The following RBFOX2 variants were observed in gnomAD, a reference collection of about 807,000 sequenced individuals.
The protein encoded by RBFOX2 is RNA binding fox-1 homolog 2.
A neutral mutation model predicts 49.1 loss-of-function variants in RBFOX2; 10 were observed. That is an observed-to-expected ratio of 0.20 (90% CI 0.13 to 0.35). The LOEUF is 0.35. RBFOX2 is among the 10% of genes least tolerant of loss of function. The probability of loss-of-function intolerance (pLI) is 1.00; values close to 1 mark genes in which losing one functional copy is unlikely to be tolerated. For synonymous variants in RBFOX2, 183 were observed against 187.4 expected (o/e 0.98, Z 0.19); for missense variants, 323 against 486.9 (o/e 0.66, Z 3.17).
chr22:35,857,017 G>C (rs2042589539), intron 1 of RBFOX2, among the ~76,000 whole-genome samples: 1 of 152,214 alleles, frequency 6.6e-6, no homozygotes, highest in South Asian at 2.1e-4. Flanking sequence ...GGGTGACAGA[G>C]CGAGACTCCG....
chr22:35,903,907 C>A (rs1468031973), intron 1 of RBFOX2, among the ~76,000 whole-genome samples: 3 of 151,788 alleles, frequency 2.0e-5, no homozygotes, highest in Non-Finnish European at 4.4e-5. Context: ...AACACCAGAT[C>A]TTATCACTCT....
At chr22:35,907,351 G>C (rs1603445094) in intron 1 of RBFOX2, among the ~76,000 whole-genome samples, 2 of 152,234 alleles carry the variant, frequency 1.3e-5, no homozygotes, top group Non-Finnish European at 2.9e-5. Context: ...TAGGGGAGGG[G>C]ACACCCCTCT....
intron 9 of RBFOX2, among the ~76,000 whole-genome samples, chr22:35,753,628 T>TAA (rs918387208): frequency 2.1e-5 from 3 of 142,514 alleles, no homozygotes; most frequent in South Asian, 2.2e-4. Context: ...GTTAGTAGAT[T>TAA]AAAAAAAAAA....
At chr22:35,784,523 G>A (rs1040708478) in intron 2 of RBFOX2, among the ~76,000 whole-genome samples, 2 of 152,200 alleles carry the variant, frequency 1.3e-5, no homozygotes, top group South Asian at 2.1e-4. Flanking sequence ...TGCTGTCCAC[G>A]CAGGGAGGCA....
At chr22:35,793,299 G>A (rs1027390413) in intron 2 of RBFOX2, among the ~76,000 whole-genome samples, 5 of 152,156 alleles carry the variant, frequency 3.3e-5, no homozygotes, top group African/African-American at 7.2e-5. Flanking sequence ...CTTGAACCCG[G>A]GGGGCAGAGA....
At chr22:35,864,247 A>G (rs1190255370) in intron 1 of RBFOX2, among the ~76,000 whole-genome samples, 1 of 152,222 alleles carries the variant, frequency 6.6e-6, no homozygotes. Flanking sequence ...TACACTTTTT[A>G]TATCTAGGAA....
intron 1 of RBFOX2, among the ~76,000 whole-genome samples, chr22:35,975,955 T>C (rs1224438874): frequency 6.6e-6 from 1 of 152,174 alleles, no homozygotes; most frequent in Non-Finnish European, 1.5e-5. Flanking sequence ...CATATGCCAT[T>C]AGAATTCTAG....
At chr22:35,957,146 CT>C (rs1049533272) in intron 1 of RBFOX2, among the ~76,000 whole-genome samples, 20 of 152,206 alleles carry the variant, frequency 1.3e-4, no homozygotes, top group African/African-American at 4.8e-4. Flanking sequence ...AGCTCTATGG[CT>C]GTGGAAAGCT....
At chr22:35,930,385 CA>C in intron 1 of RBFOX2, among the ~76,000 whole-genome samples, 1 of 152,002 alleles carries the variant, frequency 6.6e-6, no homozygotes, top group African/African-American at 2.4e-5. Flanking sequence ...ATAGTAACTC[CA>C]AGGGAAACAA....
intron 1 of RBFOX2, among the ~76,000 whole-genome samples, chr22:35,820,285 T>C (rs976130884): frequency 1.3e-5 from 2 of 152,186 alleles, no homozygotes; most frequent in African/African-American, 4.8e-5. Context: ...ACCCTGATAA[T>C]TCAGCTGAGA....
chr22:35,860,710 A>T (rs554100066), intron 1 of RBFOX2, among the ~76,000 whole-genome samples: 1 of 152,188 alleles, frequency 6.6e-6, no homozygotes, highest in African/African-American at 2.4e-5. Context: ...CAGCTTGTCA[A>T]TTTCTACAAA....
chr22:35,842,433 A>G (rs2040624729), upstream of RBFOX2, among the ~76,000 whole-genome samples: 1 of 152,232 alleles, frequency 6.6e-6, no homozygotes, highest in Non-Finnish European at 1.5e-5. Context: ...AAAGCCAATC[A>G]GAAGGAGATA....
intron 1 of RBFOX2, among the ~76,000 whole-genome samples, chr22:35,901,068 T>C (rs989880399): frequency 6.6e-6 from 1 of 152,224 alleles, no homozygotes; most frequent in African/African-American, 2.4e-5. Context: ...GCATGCATTA[T>C]CTCATTGCAT....
intron 1 of RBFOX2, among the ~76,000 whole-genome samples, chr22:35,835,198 GA>G (rs942572968): frequency 2.6e-5 from 4 of 151,764 alleles, no homozygotes; most frequent in East Asian, 1.9e-4. Context: ...TGGAAATGTT[GA>G]AAAAAAAGAG....
chr22:35,808,862 A>G (rs1448771982), intron 2 of RBFOX2, among the ~76,000 whole-genome samples: 3 of 152,076 alleles, frequency 2.0e-5, no homozygotes, highest in Non-Finnish European at 4.4e-5. Flanking sequence ...AATTTCCCAT[A>G]TGTTGGTATG....
intron 1 of RBFOX2, among the ~76,000 whole-genome samples, 172 bp from the exon 3 acceptor site, chr22:35,810,176 T>A (rs963801665): frequency 5.1e-5 from 7 of 137,672 alleles, no homozygotes; most frequent in African/African-American, 1.9e-4. Context: ...CATAGATATA[T>A]GTATGTGGAC....
intron 1 of RBFOX2, among the ~76,000 whole-genome samples, chr22:35,837,247 C>T (rs188787299): frequency 6.6e-6 from 1 of 152,284 alleles, no homozygotes; most frequent in East Asian, 1.9e-4. Context: ...AAAAGTCATT[C>T]ACTGAAAGCC....
At chr22:35,863,136 CG>C (rs1424128453) in intron 1 of RBFOX2, among the ~76,000 whole-genome samples, 2 of 151,844 alleles carry the variant, frequency 1.3e-5, no homozygotes, top group African/African-American at 4.8e-5. Context: ...AGGGCATTTA[CG>C]TTATTTTTGT....
chr22:36,010,617 C>CA (rs1231992215), intron 1 of RBFOX2, among the ~76,000 whole-genome samples: 2 of 152,010 alleles, frequency 1.3e-5, no homozygotes, highest in African/African-American at 4.8e-5. Flanking sequence ...CCGAAAGGCA[C>CA]ATTTTATTTC....
Sources: gnomAD v4.1 joint callset for allele counts (sites outside exome capture counted in the v4.1 genomes callset) on GRCh38, gnomAD v4.1.1 for gene constraint, MANE v1.5 for transcripts, NCBI Gene and HGNC (gene_info 2026-07-23, HGNC 2026-07-21) for gene names.